The following NPAS2 variants were observed in gnomAD, a reference collection of about 807,000 sequenced individuals.
NPAS2 encodes the protein neuronal PAS domain protein 2, also known as neuronal PAS domain-containing protein 2.
In NPAS2, 23 loss-of-function variants were observed where a neutral mutation model predicts 107.5. The ratio of observed to expected loss-of-function variants is 0.21; its 90% CI spans 0.15 to 0.30. The LOEUF (loss-of-function observed/expected upper bound fraction) is 0.30. NPAS2 is among the 10% of genes least tolerant of loss of function. The pLI, the probability that NPAS2 is intolerant of heterozygous loss-of-function variation, is 1.00. For synonymous variants in NPAS2, 403 were observed against 417.5 expected (o/e 0.97, Z 0.42); for missense variants, 756 against 1,043.3 (o/e 0.72, Z 3.79).
intron 17 of NPAS2, 85 bp downstream of exon 17, chr2:100,988,361 C>A: frequency 8.5e-7 from 1 of 1,175,734 alleles, no homozygotes; most frequent in Non-Finnish European, 1.3e-6. Flanking sequence ...TTCCTGCAGC[C>A]TACGTGAACT....
chr2:100,958,826 C>A (rs538982712), intron 7 of NPAS2, among the ~76,000 whole-genome samples: 1 of 152,094 alleles, frequency 6.6e-6, no homozygotes, highest in Admixed American at 6.6e-5. Context: ...CCACACCAAC[C>A]GTCTAGTGGA....
rs1165523787 is a variant in NPAS2, at chr2:100,849,223, G to A, written c.-23+28809G>A. ...GTCAGCTCTCTCTTCTCTGGTTTAG[G>A]GTGGTAGTTGTGTGCTTTGGTTCTG... On this transcript the variant is annotated intron_variant, in intron 1 of 20. Transcript: ENST00000335681. Among the ~76,000 whole-genome samples the A allele has an allele frequency of 2.0e-5, 3 of 152,190 alleles. No individual in the cohort carries two copies. In the East Asian group the frequency reaches 5.8e-4, roughly 29 times the overall value.
At position 100,988,209 on chromosome 2, in the gene NPAS2, G is replaced by A. The variant is rs559977621; in HGVS notation, c.1760G>A (p.Gly587Glu). 246 of 1,614,064 alleles carry A rather than the reference G, an allele frequency of 1.5e-4. 4 individuals are homozygous for A. In the South Asian group the frequency reaches 2.0e-3, roughly 13 times the overall value. Residue 587 changes from glycine (G) to glutamate (E), a missense_variant, in exon 17 of 21, where the codon GGG becomes GAG. Coordinates refer to ENST00000335681, the MANE Select transcript of NPAS2 (RefSeq NM_002518.4). Reference protein sequence around the residue: ...PQLGAGPQLPGQISSAQVTSQ... With the variant: ...PQLGAGPQLPEQISSAQVTSQ... ...CTCGGGGCGGGCCCCCAACTTCCAG[G>A]GCAGATCTCCTCTGCCCAGGTCACA...
Position 100,982,305 on chromosome 2 carries a change from T to A in NPAS2, c.1557T>A (p.Asn519Lys). ...AGCGGACGCGGATCCTGCAGGCCAA[T>A]ATCCGGTGGCAACAGGAAGAGCTCC... is the stretch of plus-strand genomic sequence containing the variant. ...LEQRTRILQA[N>K]IRWQQEELHK... Residue 519 changes from asparagine to lysine, a missense_variant, in exon 16 of 21, where the codon AAT becomes AAA. Transcript: ENST00000335681. 1 of 1,614,148 alleles carries A rather than the reference T, an allele frequency of 6.2e-7. No homozygotes were observed. Among genetic ancestry groups the A allele is most frequent in the South Asian group, 1.1e-5 (1 of 91,078 alleles).
chr2:100,972,605 A>G (rs6757524), intron 12 of NPAS2: 46,199 of 152,220 alleles, frequency 0.3, 7,300 homozygotes, highest in Middle Eastern at 0.5. Flanking sequence ...CTGCTGTGCC[A>G]TGTGGTGGTG....
At chr2:100,854,414 G>A (rs566445002) in intron 1 of NPAS2, among the ~76,000 whole-genome samples, 4 of 152,242 alleles carry the variant, frequency 2.6e-5, no homozygotes, top group African/African-American at 7.2e-5. Context: ...AGGGCCTCAG[G>A]GCATGGAACT....
At chr2:100,863,826 T>C (rs1363413756) in intron 1 of NPAS2, among the ~76,000 whole-genome samples, 1 of 152,210 alleles carries the variant, frequency 6.6e-6, no homozygotes. Context: ...ATAGCCCTCC[T>C]TGCATTCCAC....
intron 1 of NPAS2, among the ~76,000 whole-genome samples, chr2:100,847,510 T>C (rs4381799): frequency 0.79 from 119,766 of 151,820 alleles, 48,065 homozygotes; most frequent in African/African-American, 0.92. Flanking sequence ...GCTGGGACTA[T>C]AGGCACCCAC....
At chr2:100,945,938 A>C (rs999445190) in intron 5 of NPAS2, among the ~76,000 whole-genome samples, 2 of 152,110 alleles carry the variant, frequency 1.3e-5, no homozygotes, top group Non-Finnish European at 2.9e-5. Flanking sequence ...TCAGCTGGTC[A>C]GTTCAGTCAC....
chr2:100,961,956 G>A (rs943932143), intron 7 of NPAS2, among the ~76,000 whole-genome samples: 1 of 152,174 alleles, frequency 6.6e-6, no homozygotes, highest in African/African-American at 2.4e-5. Context: ...TGGGTAATAT[G>A]TCTTAGATTC....
At chr2:100,873,361 T>C (rs866012000) in intron 1 of NPAS2, among the ~76,000 whole-genome samples, 2 of 141,600 alleles carry the variant, frequency 1.4e-5, no homozygotes, top group Non-Finnish European at 3.0e-5. Context: ...TACACACATA[T>C]GTGTATATAT....
chr2:100,820,913 C>A lies in NPAS2; in HGVS notation c.-23+499C>A. On this transcript the variant is annotated intron_variant, in intron 1 of 20. Transcript: ENST00000335681. This position sits in a 1 kb window ranked among gnomAD's most constrained non-coding sequence, Gnocchi z 5.6. ...TCCCTGGGTCGGAATTGGTTCCGGG[C>A]CGGATTGGGTGCGGAATCGGTGCCC... 4.9e-6 allele frequency: 3 copies of A among 615,018 alleles called. No homozygotes were observed. Among genetic ancestry groups the A allele is most frequent in the South Asian group, 3.8e-5 (2 of 52,582 alleles). 38.1% of individuals were successfully genotyped at this position (615,018 alleles called of 1,614,324 possible). A position where few individuals can be genotyped will look rare whatever the true frequency, so the allele number is the denominator to read the frequency against.
At chr2:100,949,807 C>A (rs898993814) in intron 7 of NPAS2, among the ~76,000 whole-genome samples, 1 of 152,158 alleles carries the variant, frequency 6.6e-6, no homozygotes, top group Non-Finnish European at 1.5e-5. Flanking sequence ...GCCAAACAGG[C>A]CTTCGTGGTG....
chr2:100,836,641 G>A (rs1677087657), intron 1 of NPAS2, among the ~76,000 whole-genome samples: 1 of 152,172 alleles, frequency 6.6e-6, no homozygotes, highest in African/African-American at 2.4e-5. Flanking sequence ...GGTCAGGGGT[G>A]GCTCTACCGA....
intron 1 of NPAS2, among the ~76,000 whole-genome samples, chr2:100,830,800 T>C (rs1190739976): frequency 2.0e-5 from 3 of 152,342 alleles, no homozygotes; most frequent in Admixed American, 6.5e-5. Context: ...TTATCCATCA[T>C]GGAGGGTGAA....
intron 1 of NPAS2, chr2:100,847,071 T>C (rs1388783935): frequency 6.6e-6 from 1 of 152,208 alleles, no homozygotes; most frequent in Non-Finnish European, 1.5e-5. Context: ...GCTTTTGGAG[T>C]ATGAGAAATA....
At chr2:100,878,713 T>C (rs1680142846) in intron 1 of NPAS2, 1 of 491,334 alleles carries the variant, frequency 2.0e-6, no homozygotes, top group Non-Finnish European at 2.6e-6. Flanking sequence ...GATACCCAAC[T>C]ATAAGGGAGA....
chr2:100,874,399 T>C (rs1679821710), intron 1 of NPAS2, among the ~76,000 whole-genome samples: 1 of 152,154 alleles, frequency 6.6e-6, no homozygotes, highest in Non-Finnish European at 1.5e-5. Flanking sequence ...GCATAGTCTC[T>C]GCTTTACCCA....
At chr2:100,912,613 C>T (rs1268277523) in intron 2 of NPAS2, among the ~76,000 whole-genome samples, 2 of 152,336 alleles carry the variant, frequency 1.3e-5, no homozygotes, top group African/African-American at 4.8e-5. Context: ...TGAAGACACG[C>T]TCACTCCCAC....
Sources: allele counts gnomAD v4.1 joint callset (sites outside exome capture counted in the v4.1 genomes callset), GRCh38; gene constraint gnomAD v4.1.1; non-coding constraint Gnocchi (gnomAD v3.1); transcripts MANE v1.5; gene names NCBI Gene and HGNC (gene_info 2026-07-23, HGNC 2026-07-21).